GRAMD1B: variants seen among roughly 807,000 people sequenced by gnomAD.
The protein encoded by GRAMD1B is GRAM domain containing 1B.
GRAMD1B carries 37 observed loss-of-function variants against 99.7 expected under a neutral mutation model. That is an observed-to-expected ratio of 0.37 (90% CI 0.29 to 0.49). The LOEUF (loss-of-function observed/expected upper bound fraction) is 0.49, where lower values mean the gene tolerates loss of function less well. Among genes scored for constraint, GRAMD1B ranks in the 20% least tolerant of loss-of-function variants. The pLI, the probability that GRAMD1B is intolerant of heterozygous loss-of-function variation, is 0.98. For synonymous variants in GRAMD1B, 427 were observed against 387.6 expected (o/e 1.10, Z -1.19); for missense variants, 888 against 1,009.2 (o/e 0.88, Z 1.63).
At chr11:123,455,941 G>C (rs1262889066) in intron 1 of GRAMD1B, among the ~76,000 whole-genome samples, 1 of 151,704 alleles carries the variant, frequency 6.6e-6, no homozygotes, top group African/African-American at 2.4e-5. Context: ...AGGCCAAGGT[G>C]GGCGGATCAT....
At chr11:123,593,853 C>A (rs1229836986) in intron 4 of GRAMD1B, among the ~76,000 whole-genome samples, 1 of 152,152 alleles carries the variant, frequency 6.6e-6, no homozygotes, top group Non-Finnish European at 1.5e-5. Flanking sequence ...TCTGGCATTT[C>A]TCACTGGTGG....
In GRAMD1B at chr11:123,598,105, A is replaced by G. The variant is rs755751196; in HGVS notation, c.969+2068A>G. 427 of 1,588,146 alleles carry G rather than the reference A, an allele frequency of 2.7e-4. 1 individual carries two copies. Among genetic ancestry groups the G allele is most frequent in the Non-Finnish European group, 2.1e-4 (246 of 1,158,388 alleles). On this transcript the variant is annotated intron_variant, in intron 7 of 19. Coordinates refer to ENST00000635736, the MANE Select transcript of GRAMD1B (RefSeq NM_001387025.1). ...AGACAGCATCTTTAATCTGTGTCACATTAGCAAAGTGAGCAGTGTTTGGGA... is the reference window on the plus strand; with the variant it reads ...AGACAGCATCTTTAATCTGTGTCACGTTAGCAAAGTGAGCAGTGTTTGGGA...
chr11:123,565,768 G>A lies in GRAMD1B; in HGVS notation c.453-11599G>A, dbSNP rs138040389. Among the ~76,000 whole-genome samples the A allele has an allele frequency of 2.8e-4, 43 of 152,292 alleles. 1 individual carries two copies. The East Asian group carries it at 8.3e-3, about 29-fold the overall frequency. On this transcript the variant is annotated intron_variant, in intron 2 of 19. Coordinates refer to ENST00000635736, the MANE Select transcript of GRAMD1B (RefSeq NM_001387025.1). ...CACTATGCGCTCCTTCCAAACTACA[G>A]ACTATTGTAGATCAGCTCAGCCAAC... is the stretch of plus-strand genomic sequence containing the variant.
chr11:123,457,596 G>A (rs1056502480), intron 1 of GRAMD1B, among the ~76,000 whole-genome samples: 1 of 152,168 alleles, frequency 6.6e-6, no homozygotes, highest in Non-Finnish European at 1.5e-5. Context: ...AGAACAATGG[G>A]GCAACTTGCT....
At chr11:123,540,025 A>G (rs1156282152) in intron 2 of GRAMD1B, among the ~76,000 whole-genome samples, 1 of 151,518 alleles carries the variant, frequency 6.6e-6, no homozygotes, top group Non-Finnish European at 1.5e-5. Flanking sequence ...CTTTTATAAC[A>G]TATTAAATCT....
At chr11:123,531,730 G>GTT (rs57528529) in intron 2 of GRAMD1B, among the ~76,000 whole-genome samples, 2,190 of 77,958 alleles carry the variant, frequency 0.028, 108 homozygotes, top group African/African-American at 0.088. Context: ...TTGCTAGATG[G>GTT]TTTTTTTTTT....
intron 1 of GRAMD1B, among the ~76,000 whole-genome samples, chr11:123,382,036 C>A (rs888780149): frequency 2.0e-5 from 3 of 152,096 alleles, no homozygotes; most frequent in African/African-American, 7.2e-5. Flanking sequence ...GAGAAAGAAA[C>A]TACACATTAA....
chr11:123,530,798 G>T (rs1192190307), intron 2 of GRAMD1B, among the ~76,000 whole-genome samples: 1 of 152,166 alleles, frequency 6.6e-6, no homozygotes, highest in Non-Finnish European at 1.5e-5. Context: ...GAGGTGAGTT[G>T]CGGTGAAGGT....
chr11:123,429,366 T>G (rs969512412), upstream of GRAMD1B, among the ~76,000 whole-genome samples: 2 of 152,026 alleles, frequency 1.3e-5, no homozygotes, highest in East Asian at 3.9e-4. The surrounding 1 kb of genome is among the most constrained non-coding windows in gnomAD (Gnocchi z 4.0). Context: ...TGATGATCTC[T>G]TAGGGCCTGG....
intron 1 of GRAMD1B, among the ~76,000 whole-genome samples, chr11:123,411,240 G>A (rs546752549): frequency 5.3e-5 from 8 of 152,104 alleles, no homozygotes; most frequent in Non-Finnish European, 8.8e-5. Flanking sequence ...TCCTGATCTC[G>A]TGATCCGCCC....
chr11:123,524,706 G>A (rs1269021162), intron 2 of GRAMD1B, among the ~76,000 whole-genome samples: 3 of 152,164 alleles, frequency 2.0e-5, no homozygotes, highest in Non-Finnish European at 4.4e-5. Context: ...TACGACACGA[G>A]GATGTCTGCA....
At chr11:123,432,417 T>G (rs1000672297) in intron 1 of GRAMD1B, among the ~76,000 whole-genome samples, 12 of 151,910 alleles carry the variant, frequency 7.9e-5, no homozygotes, top group African/African-American at 2.9e-4. Context: ...ATTAGCTGGG[T>G]GTAGTGGCAG....
At chr11:123,512,894 G>C (rs1168533720) in intron 2 of GRAMD1B, among the ~76,000 whole-genome samples, 1 of 151,664 alleles carries the variant, frequency 6.6e-6, no homozygotes, top group Non-Finnish European at 1.5e-5. Flanking sequence ...AGTATCCTTG[G>C]CTTTCATCAG....
chr11:123,582,143 G>T (rs867031797), intron 3 of GRAMD1B, among the ~76,000 whole-genome samples: 5 of 152,250 alleles, frequency 3.3e-5, no homozygotes, highest in Non-Finnish European at 4.4e-5. Context: ...CTCCCAGAGC[G>T]CACCTTCCTA....
intron 2 of GRAMD1B, chr11:123,560,792 T>G: frequency 2.3e-6 from 1 of 437,234 alleles, no homozygotes; most frequent in Admixed American, 2.4e-5. Context: ...GGGGTCAGAA[T>G]GGGGCCCTGG....
chr11:123,405,665 C>T (rs372065438), intron 1 of GRAMD1B, among the ~76,000 whole-genome samples: 3 of 152,160 alleles, frequency 2.0e-5, no homozygotes, highest in African/African-American at 4.8e-5. Flanking sequence ...GAACTTTGGG[C>T]CAACAGGTCC....
At chr11:123,477,688 CTTCCTTTCCCTTCCTTCTCCCTTCCT>C (rs1264474759) in intron 1 of GRAMD1B, among the ~76,000 whole-genome samples, 163 of 146,730 alleles carry the variant, frequency 1.1e-3, no homozygotes, top group Non-Finnish European at 1.9e-3. Context: ...CTCCTTCTCC[CTTCCTTTCCCTTCCTTCTCCCTTCCT>C]TTCCTTTCCC....
At chr11:123,520,343 C>A (rs4936819) in intron 2 of GRAMD1B, among the ~76,000 whole-genome samples, 17,013 of 152,178 alleles carry the variant, frequency 0.11, 1,455 homozygotes, top group African/African-American at 0.23. Flanking sequence ...AACACAAAAT[C>A]TTGTCTAGAC....
chr11:123,493,200 T>C (rs867801656), intron 2 of GRAMD1B, among the ~76,000 whole-genome samples: 1 of 152,186 alleles, frequency 6.6e-6, no homozygotes, highest in Non-Finnish European at 1.5e-5. Context: ...GCTGTGGTGC[T>C]TTTGCAAAAA....
Sources: allele counts gnomAD v4.1 joint callset (sites outside exome capture counted in the v4.1 genomes callset), GRCh38; gene constraint gnomAD v4.1.1; non-coding constraint Gnocchi (gnomAD v3.1); transcripts MANE v1.5; gene names NCBI Gene and HGNC (gene_info 2026-07-23, HGNC 2026-07-21).